The following KCNN2 variants were observed in gnomAD, a reference collection of about 807,000 sequenced individuals.
KCNN2 encodes small conductance calcium-activated potassium channel protein 2.
In KCNN2, 24 loss-of-function variants were observed where a neutral mutation model predicts 55.5. The ratio of observed to expected loss-of-function variants is 0.43; its 90% confidence interval spans 0.31 to 0.61. KCNN2 has a LOEUF of 0.61. Ranked by LOEUF, KCNN2 falls within the 20% of genes least tolerant of loss-of-function variation. The pLI is 0.08. For missense variants in KCNN2, 754 were observed against 853.6 expected (o/e 0.88, Z 1.45); for synonymous variants, 431 against 336.1 (o/e 1.28, Z -3.09).
rs114248016 is a variant in KCNN2, at chr5:114,084,377, C to T, written c.-271+27877C>T. Among the ~76,000 whole-genome samples the T allele has an allele frequency of 5.6e-3, 851 of 152,100 alleles. 6 individuals carry two copies. The highest frequency in any genetic ancestry group is 0.019 in the African/African-American group (790 of 41,520). On this transcript the variant is annotated intron_variant, in intron 1 of 10. Transcript: ENST00000512097. ...TCAATTTTAGTGATTTTGATACATA[C>T]GTTATGGTATTTCACTGTTGCTTTA...
chr5:114,420,283 T>C (rs1323968342), intron 3 of KCNN2, among the ~76,000 whole-genome samples: 1 of 152,246 alleles, frequency 6.6e-6, no homozygotes, highest in African/African-American at 2.4e-5. Context: ...TATCTCTCTC[T>C]GCAAGCATGT....
intron 1 of KCNN2, among the ~76,000 whole-genome samples, chr5:114,123,388 A>T (rs1751864089): frequency 2.1e-5 from 1 of 46,954 alleles, no homozygotes; most frequent in Non-Finnish European, 3.8e-5. Flanking sequence ...TTTGAGACAG[A>T]GTCTCGCTCT....
intron 2 of KCNN2, among the ~76,000 whole-genome samples, chr5:114,254,423 C>A (rs993121278): frequency 6.6e-5 from 10 of 152,028 alleles, no homozygotes; most frequent in Non-Finnish European, 1.2e-4. Context: ...TCTGAAATGA[C>A]AAATAGTTTT....
intron 1 of KCNN2, among the ~76,000 whole-genome samples, chr5:114,151,073 C>T (rs1185048596): frequency 6.7e-6 from 1 of 148,976 alleles, no homozygotes; most frequent in Non-Finnish European, 1.5e-5. Flanking sequence ...AGATTCCTTT[C>T]AGGCACAACT....
intron 2 of KCNN2, among the ~76,000 whole-genome samples, chr5:114,278,838 G>A (rs1755554320): frequency 6.6e-6 from 1 of 152,152 alleles, no homozygotes; most frequent in Non-Finnish European, 1.5e-5. Context: ...GTGAGGCAAT[G>A]CCCCGCCCTA....
chr5:114,325,090 A>G (rs775850743), intron 2 of KCNN2, among the ~76,000 whole-genome samples: 1 of 152,206 alleles, frequency 6.6e-6, no homozygotes, highest in Non-Finnish European at 1.5e-5. Context: ...TGTGTCCTAC[A>G]GTTATGTGGA....
At chr5:114,474,062 T>C (rs1286848210) in intron 5 of KCNN2, among the ~76,000 whole-genome samples, 1 of 152,296 alleles carries the variant, frequency 6.6e-6, no homozygotes, top group Non-Finnish European at 1.5e-5. Flanking sequence ...GTCAGTGAAA[T>C]AACAAAATAC....
At chr5:114,187,870 A>T (rs1198441367) in intron 1 of KCNN2, among the ~76,000 whole-genome samples, 1 of 146,984 alleles carries the variant, frequency 6.8e-6, no homozygotes, top group African/African-American at 2.6e-5. Flanking sequence ...GCTGGAGTGC[A>T]GTGGCGCAAT....
chr5:114,257,129 T>C (rs1754998282), intron 2 of KCNN2, among the ~76,000 whole-genome samples: 1 of 152,102 alleles, frequency 6.6e-6, no homozygotes, highest in Non-Finnish European at 1.5e-5. Flanking sequence ...CTTTCCCTAG[T>C]GTATATTTTT....
chr5:114,397,359 T>G (rs1307944704), intron 2 of KCNN2, among the ~76,000 whole-genome samples: 1 of 152,146 alleles, frequency 6.6e-6, no homozygotes, highest in African/African-American at 2.4e-5. Context: ...AAGTATTCCC[T>G]TTTCTCTGCA....
chr5:114,452,993 C>G (rs1316026909), intron 3 of KCNN2, among the ~76,000 whole-genome samples: 3 of 152,172 alleles, frequency 2.0e-5, no homozygotes, highest in Non-Finnish European at 4.4e-5. Context: ...TTATCAGACT[C>G]CTTGCATCTC....
chr5:114,465,146 G>A (rs1044649082), intron 4 of KCNN2, among the ~76,000 whole-genome samples: 1 of 152,146 alleles, frequency 6.6e-6, no homozygotes, highest in Non-Finnish European at 1.5e-5. Context: ...AGCCAAATTT[G>A]AGGTTAACCT....
intron 2 of KCNN2, among the ~76,000 whole-genome samples, chr5:114,279,766 G>A (rs201490708): frequency 0.9 from 135,049 of 150,620 alleles, 60,954 homozygotes; most frequent in East Asian, 0.94. Context: ...ACATATGTGT[G>A]CGTGTGTCTT....
intron 1 of KCNN2, among the ~76,000 whole-genome samples, chr5:114,176,329 T>C (rs945377820): frequency 6.6e-6 from 1 of 152,214 alleles, no homozygotes; most frequent in African/African-American, 2.4e-5. Flanking sequence ...CATAAGTTTT[T>C]TTTTGGTATT....
chr5:114,143,796 T>TG (rs1561493467), intron 1 of KCNN2, among the ~76,000 whole-genome samples: 1 of 152,228 alleles, frequency 6.6e-6, no homozygotes, highest in African/African-American at 2.4e-5. Context: ...TCTTTTATTC[T>TG]GTAGTAGCAA....
At chr5:114,145,234 T>C (rs1192940037) in intron 1 of KCNN2, among the ~76,000 whole-genome samples, 1 of 152,236 alleles carries the variant, frequency 6.6e-6, no homozygotes, top group Non-Finnish European at 1.5e-5. Context: ...GTTGACAATC[T>C]GTGACCCTGA....
At chr5:114,186,089 T>C (rs1320299898) in intron 1 of KCNN2, among the ~76,000 whole-genome samples, 1 of 152,232 alleles carries the variant, frequency 6.6e-6, no homozygotes, top group East Asian at 1.9e-4. Flanking sequence ...CAAATGTAAG[T>C]TTCTTTCCTC....
At chr5:114,141,639 A>G (rs1422726178) in intron 1 of KCNN2, among the ~76,000 whole-genome samples, 1 of 152,180 alleles carries the variant, frequency 6.6e-6, no homozygotes, top group African/African-American at 2.4e-5. Flanking sequence ...TGCTTTGGGT[A>G]TATACCCAGT....
intron 3 of KCNN2, among the ~76,000 whole-genome samples, chr5:114,428,954 T>A: frequency 6.6e-6 from 1 of 152,154 alleles, no homozygotes; most frequent in East Asian, 1.9e-4. Context: ...TACTACAGTT[T>A]ATTCATGTAC....
Sources: gnomAD v4.1 joint callset for allele counts (sites outside exome capture counted in the v4.1 genomes callset) on GRCh38, gnomAD v4.1.1 for gene constraint, MANE v1.5 for transcripts, NCBI Gene and HGNC (gene_info 2026-07-23, HGNC 2026-07-21) for gene names.